The following NXPE2 variants were observed in gnomAD, a reference collection of about 807,000 sequenced individuals.
NXPE2 encodes NXPE family member 2.
NXPE2 carries 34 observed loss-of-function variants against 34.4 expected under a neutral mutation model. The ratio of observed to expected loss-of-function variants is 0.99; its 90% confidence interval spans 0.75 to 1.31. The LOEUF is 1.31. NXPE2 is among the 40% of genes most tolerant of loss of function. The probability of loss-of-function intolerance (pLI) is 0.00; values close to 1 mark genes in which losing one functional copy is unlikely to be tolerated. For missense variants in NXPE2, 649 were observed against 672.5 expected (o/e 0.97, Z 0.39); for synonymous variants, 235 against 231.3 (o/e 1.02, Z -0.15).
the NXPE2 span, among the ~76,000 whole-genome samples, chr11:114,504,708 C>G: frequency 6.6e-6 from 1 of 152,184 alleles, no homozygotes; most frequent in Admixed American, 6.5e-5. Flanking sequence ...ATCAGACCCT[C>G]AAAATCATCA....
the NXPE2 span, among the ~76,000 whole-genome samples, chr11:114,756,159 T>C: frequency 1.2e-3 from 189 of 152,364 alleles, no homozygotes; most frequent in African/African-American, 4.3e-3. Flanking sequence ...TACTCTGTTA[T>C]GCCTTTGAAT....
At chr11:114,570,237 A>G in the NXPE2 span, among the ~76,000 whole-genome samples, 1 of 152,040 alleles carries the variant, frequency 6.6e-6, no homozygotes. Flanking sequence ...CCAGTCTTTG[A>G]CTGTCTTGCA....
At chr11:114,672,554 A>G in the NXPE2 span, among the ~76,000 whole-genome samples, 1 of 152,026 alleles carries the variant, frequency 6.6e-6, no homozygotes, top group African/African-American at 2.4e-5. Context: ...GACAAGATCC[A>G]ACTAACATAT....
the NXPE2 span, among the ~76,000 whole-genome samples, chr11:114,476,969 G>A: frequency 6.6e-6 from 1 of 152,220 alleles, no homozygotes; most frequent in African/African-American, 2.4e-5. Flanking sequence ...TCTACCATAT[G>A]ACTCTATCAT....
At chr11:114,800,708 A>G in the NXPE2 span, among the ~76,000 whole-genome samples, 130 of 152,272 alleles carry the variant, frequency 8.5e-4, no homozygotes, top group East Asian at 0.02. Flanking sequence ...AAGCCCACCA[A>G]TTTTACTTAC....
the NXPE2 span, among the ~76,000 whole-genome samples, chr11:114,572,073 A>T: frequency 6.6e-6 from 1 of 152,132 alleles, no homozygotes; most frequent in Non-Finnish European, 1.5e-5. Flanking sequence ...GTCACATCCT[A>T]TGGGATTCTT....
the NXPE2 span, among the ~76,000 whole-genome samples, chr11:114,501,186 T>A: frequency 9.8e-5 from 15 of 152,314 alleles, no homozygotes; most frequent in African/African-American, 3.6e-4. Flanking sequence ...GGAGTTTTTT[T>A]AAAACAATGC....
chr11:114,768,836 A>G, the NXPE2 span, among the ~76,000 whole-genome samples: 1 of 152,054 alleles, frequency 6.6e-6, no homozygotes, highest in South Asian at 2.1e-4. Context: ...CTAAATATAC[A>G]ATCTAAAACC....
the NXPE2 span, among the ~76,000 whole-genome samples, chr11:114,640,166 A>ATAAG: frequency 1.5e-5 from 1 of 64,754 alleles, no homozygotes; most frequent in East Asian, 3.8e-4. Flanking sequence ...AATAATATAT[A>ATAAG]TAAATAATTT....
At chr11:114,557,062 T>G in the NXPE2 span, among the ~76,000 whole-genome samples, 1 of 151,970 alleles carries the variant, frequency 6.6e-6, no homozygotes, top group Non-Finnish European at 1.5e-5. Flanking sequence ...CTGGCCAATT[T>G]TTTGTAGTTT....
At chr11:114,812,555 A>G in the NXPE2 span, among the ~76,000 whole-genome samples, 1 of 152,212 alleles carries the variant, frequency 6.6e-6, no homozygotes, top group Non-Finnish European at 1.5e-5. Flanking sequence ...CTAAGGTACC[A>G]TGCTCTGTTG....
chr11:114,532,050 T>C, the NXPE2 span, among the ~76,000 whole-genome samples: 1 of 152,166 alleles, frequency 6.6e-6, no homozygotes, highest in African/African-American at 2.4e-5. Flanking sequence ...TTGAGAATGA[T>C]TACAGACCAG....
the NXPE2 span, among the ~76,000 whole-genome samples, chr11:114,773,896 G>A: frequency 6.6e-6 from 1 of 152,158 alleles, no homozygotes; most frequent in Non-Finnish European, 1.5e-5. Flanking sequence ...TTTGGGTTTC[G>A]TCTGGACTAC....
the NXPE2 span, among the ~76,000 whole-genome samples, chr11:114,525,846 T>C: frequency 6.6e-6 from 1 of 152,224 alleles, no homozygotes; most frequent in Non-Finnish European, 1.5e-5. Context: ...TGTTCGGGGC[T>C]CAGCCTTTGG....
the NXPE2 span, among the ~76,000 whole-genome samples, chr11:114,637,157 T>C: frequency 6.6e-6 from 1 of 151,774 alleles, no homozygotes; most frequent in African/African-American, 2.4e-5. Flanking sequence ...CTGTATTGGG[T>C]CCATATATAT....
chr11:114,663,426 T>C, the NXPE2 span, among the ~76,000 whole-genome samples: 3 of 152,002 alleles, frequency 2.0e-5, no homozygotes, highest in Non-Finnish European at 2.9e-5. Flanking sequence ...TGGGTTTATG[T>C]AAAATAAAAT....
the NXPE2 span, among the ~76,000 whole-genome samples, chr11:114,778,342 A>C: frequency 6.6e-6 from 1 of 152,210 alleles, no homozygotes; most frequent in Non-Finnish European, 1.5e-5. Flanking sequence ...GTCCTTGCTA[A>C]GGAATCTTTA....
the NXPE2 span, among the ~76,000 whole-genome samples, chr11:114,619,910 GTGTTACCTCATGGGTAACCAC>G: frequency 3.3e-5 from 5 of 151,924 alleles, no homozygotes; most frequent in African/African-American, 1.2e-4. Flanking sequence ...TGGAAAATAA[GTGTTACCTCATGGGTAACCAC>G]TGTTACCCGG....
chr11:114,788,205 A>T, the NXPE2 span, among the ~76,000 whole-genome samples: 1 of 152,218 alleles, frequency 6.6e-6, no homozygotes, highest in African/African-American at 2.4e-5. Context: ...CAACACGGCC[A>T]TGAGAAGAAG....
Sources: allele counts gnomAD v4.1 joint callset (sites outside exome capture counted in the v4.1 genomes callset), GRCh38; gene constraint gnomAD v4.1.1; transcripts MANE v1.5; gene names NCBI Gene and HGNC (gene_info 2026-07-23, HGNC 2026-07-21).